NARS2: variants seen among roughly 807,000 people sequenced by gnomAD.
NARS2 encodes the protein asparaginyl-tRNA synthetase 2, mitochondrial.
A neutral mutation model predicts 62.9 loss-of-function variants in NARS2; 60 were observed. The observed-to-expected ratio is 0.95, with a 90% confidence interval of 0.77 to 1.18. The LOEUF is 1.18. Ranked by LOEUF, NARS2 falls within the 50% of genes most tolerant of loss-of-function variation. The pLI is 0.00. For synonymous variants in NARS2, 196 were observed against 200.0 expected, an observed-to-expected ratio of 0.98 and a Z score of 0.17; for missense variants, 619 against 576.4, an observed-to-expected ratio of 1.07 and a Z score of -0.76.
intron 5 of NARS2, among the ~76,000 whole-genome samples, chr11:78,556,020 T>C (rs998633415): frequency 1.3e-5 from 2 of 152,250 alleles, no homozygotes; most frequent in Non-Finnish European, 2.9e-5. Context: ...TTCTATTTTA[T>C]TGTGCTGTGG....
intron 11 of NARS2, among the ~76,000 whole-genome samples, chr11:78,447,869 G>A (rs1857818121): frequency 6.6e-6 from 1 of 152,168 alleles, no homozygotes; most frequent in Non-Finnish European, 1.5e-5. Context: ...ACGAAGAGTT[G>A]CTGATCAAAG....
intron 6 of NARS2, among the ~76,000 whole-genome samples, chr11:78,497,235 A>T (rs1302908406): frequency 4.1e-5 from 5 of 120,542 alleles, no homozygotes; most frequent in Non-Finnish European, 7.5e-5. Context: ...AATAAAAAGC[A>T]AAATTGAAAA....
At chr11:78,517,298 A>G (rs1282802105) in intron 6 of NARS2, among the ~76,000 whole-genome samples, 1 of 152,190 alleles carries the variant, frequency 6.6e-6, no homozygotes, top group Non-Finnish European at 1.5e-5. Context: ...TCAGGAAAAA[A>G]CAGATTTAGG....
At chr11:78,482,312 C>A (rs1297808216) in intron 7 of NARS2, among the ~76,000 whole-genome samples, 2 of 151,980 alleles carry the variant, frequency 1.3e-5, no homozygotes, top group African/African-American at 2.4e-5. Context: ...CTCAAATTGA[C>A]ACCCTAACAT....
intron 7 of NARS2, among the ~76,000 whole-genome samples, chr11:78,488,234 TAA>T (rs34959536): frequency 0.032 from 4,085 of 128,840 alleles, 198 homozygotes; most frequent in African/African-American, 0.1. Flanking sequence ...GCCTACCTGG[TAA>T]AAAAAAAAAA....
chr11:78,513,727 C>T (rs1480257190), intron 6 of NARS2, among the ~76,000 whole-genome samples: 1 of 151,990 alleles, frequency 6.6e-6, no homozygotes, highest in African/African-American at 2.4e-5. Context: ...ACTCCAATTA[C>T]TGTACATATT....
chr11:78,507,525 T>TTTC (rs1438066783), intron 6 of NARS2, among the ~76,000 whole-genome samples: 2 of 149,514 alleles, frequency 1.3e-5, no homozygotes, highest in African/African-American at 4.9e-5. Context: ...TTTTATTCTT[T>TTTC]TTTTTTTTTT....
At chr11:78,492,598 TAATATA>T (rs1468363867) in intron 7 of NARS2, among the ~76,000 whole-genome samples, 1 of 152,230 alleles carries the variant, frequency 6.6e-6, no homozygotes, top group Non-Finnish European at 1.5e-5. Flanking sequence ...GGATGCTTTC[TAATATA>T]GCTACATAGG....
intron 7 of NARS2, among the ~76,000 whole-genome samples, chr11:78,480,619 T>TAAAAAAA (rs10623671): frequency 2.4e-5 from 3 of 124,852 alleles, no homozygotes; most frequent in African/African-American, 8.2e-5. Context: ...TCTAATTAAG[T>TAAAAAAA]AAAAAAAAAA....
intron 9 of NARS2, among the ~76,000 whole-genome samples, chr11:78,470,135 G>A (rs1428070961): frequency 6.6e-6 from 1 of 152,174 alleles, no homozygotes; most frequent in Non-Finnish European, 1.5e-5. Flanking sequence ...GCAGTCAGAA[G>A]TCAGATCACA....
intron 13 of NARS2, among the ~76,000 whole-genome samples, chr11:78,438,357 T>C (rs1324145103): frequency 6.6e-6 from 1 of 152,132 alleles, no homozygotes; most frequent in Admixed American, 6.6e-5. Context: ...AAATGTTTAG[T>C]TGCTAAATTA....
chr11:78,555,474 G>C (rs1856317249), intron 5 of NARS2: 1 of 152,104 alleles, frequency 6.6e-6, no homozygotes, highest in African/African-American at 2.4e-5. Context: ...TATGTTTCCA[G>C]CAATTTAGAG....
chr11:78,567,101 C>T (rs1856769009), intron 3 of NARS2, among the ~76,000 whole-genome samples: 1 of 152,120 alleles, frequency 6.6e-6, no homozygotes, highest in African/African-American at 2.4e-5. Flanking sequence ...CAAAATGATA[C>T]TGAATCAGAG....
At chr11:78,449,518 T>C (rs73504924) in intron 11 of NARS2, among the ~76,000 whole-genome samples, 7,061 of 152,158 alleles carry the variant, frequency 0.046, 528 homozygotes, top group African/African-American at 0.16. Context: ...CTTGCCTTCC[T>C]AATTTCCAGT....
At position 78,527,134 on chromosome 11, in the gene NARS2, T is replaced by C. The variant is rs1327590656; in HGVS notation, c.689+1708A>G. Among the ~76,000 whole-genome samples, 3 of 152,302 alleles carry C rather than the reference T, an allele frequency of 2.0e-5. No homozygotes were observed. The East Asian group carries it at 5.8e-4, about 29-fold the overall frequency. On this transcript the variant is annotated intron_variant, in intron 6 of 13. Coordinates refer to ENST00000281038, the MANE Select transcript of NARS2 (RefSeq NM_024678.6). ...GAAGAGATAATCCCAAAGTTTAGGG[T>C]GTGTTGGTCCTGTAGGACATTAACC...
rs1303684625 is a variant in NARS2 at position 78,568,732 on chromosome 11, G to C, written c.272C>G (p.Ser91Cys). The C allele has an allele frequency of 6.2e-7, 1 of 1,608,268 alleles. No individual in the cohort carries two copies. The highest frequency in any genetic ancestry group is 1.7e-5 in the Admixed American group (1 of 59,778). ...LDSRELNFGS[S>C]VEVQGQLIKS... Reference sequence around the variant, plus strand: ...TATCAGCTGCCCTTGTACTTCCACAGAACTCCCAAAATTTAATTCTCTATA... The same window carrying C: ...TATCAGCTGCCCTTGTACTTCCACACAACTCCCAAAATTTAATTCTCTATA... The change falls in exon 3 of 14, where the codon TCT (serine) becomes TGT (cysteine). Residue 91 changes from serine (S) to cysteine (C), a missense_variant. Coordinates refer to ENST00000281038, the MANE Select transcript of NARS2 (RefSeq NM_024678.6).
chr11:78,560,711 T>C (rs1400160900), intron 4 of NARS2, among the ~76,000 whole-genome samples: 1 of 152,250 alleles, frequency 6.6e-6, no homozygotes. Context: ...TGATGTGGAC[T>C]GATTAAATAT....
intron 13 of NARS2, 148 bp from the exon 14 acceptor site, chr11:78,436,962 C>A (rs1857429679): frequency 2.7e-6 from 2 of 749,376 alleles, no homozygotes; most frequent in Non-Finnish European, 2.2e-6. Flanking sequence ...CACAGACAGA[C>A]AATGGAAAGG....
At chr11:78,445,172 TCTATA>T (rs1239044895) in intron 11 of NARS2, among the ~76,000 whole-genome samples, 1 of 152,216 alleles carries the variant, frequency 6.6e-6, no homozygotes, top group Non-Finnish European at 1.5e-5. Context: ...TTTCTTATTT[TCTATA>T]CTAAACAGGT....
Sources: gnomAD v4.1 joint callset for allele counts (sites outside exome capture counted in the v4.1 genomes callset) on GRCh38, gnomAD v4.1.1 for gene constraint, MANE v1.5 for transcripts, NCBI Gene and HGNC (gene_info 2026-07-23, HGNC 2026-07-21) for gene names.